Variants in RNF213 observed in about 807,000 individuals in gnomAD.
RNF213 encodes E3 ubiquitin-protein ligase RNF213.
A neutral mutation model predicts 514.4 loss-of-function variants in RNF213; 341 were observed. The observed-to-expected ratio is 0.66, with a 90% CI of 0.61 to 0.73. The LOEUF is 0.73. Ranked by LOEUF, RNF213 falls within the 30% of genes least tolerant of loss-of-function variation. The pLI, the probability that RNF213 is intolerant of heterozygous loss-of-function variation, is 0.00. For missense variants in RNF213, 5,767 were observed against 6,615.6 expected (o/e 0.87, Z 4.45); for synonymous variants, 2,655 against 2,658.2 (o/e 1.00, Z 0.04).
chr17:80,376,587 C>A, intron 52 of RNF213, 44 bp downstream of exon 52: 1 of 1,613,020 alleles, frequency 6.2e-7, no homozygotes. Flanking sequence ...TGGAACACCC[C>A]CCAGAGCTTG....
chr17:80,379,510 G>A (rs1356763316), intron 54 of RNF213, 110 bp from the exon 55 acceptor site: 1 of 1,012,374 alleles, frequency 9.9e-7, no homozygotes, highest in Non-Finnish European at 1.6e-6. Context: ...GGGACAATCT[G>A]AGGGTGCTCA....
Position 80,343,721 on chromosome 17 carries a change from G to C in RNF213, c.6184-136G>C. The C allele has an allele frequency of 1.1e-6, 1 of 902,978 alleles. No homozygotes were observed. Among genetic ancestry groups the C allele is most frequent in the Non-Finnish European group, 1.9e-6 (1 of 538,028 alleles). The allele number at this position is 902,978 out of a possible 1,614,324, so 55.9% of individuals were successfully genotyped here. A position where few individuals can be genotyped will look rare whatever the true frequency, so the allele number is the denominator to read the frequency against. On this transcript the variant is annotated intron_variant, in intron 27 of 67. Coordinates refer to ENST00000582970, the MANE Select transcript of RNF213 (RefSeq NM_001256071.3). The surrounding 1 kb of genome is among the most constrained non-coding windows in gnomAD (Gnocchi z 4.3). The stretch of plus-strand genomic sequence containing the variant: ...TTATGGGGCTGCCCTTGGAGACATG[G>C]GCCGTTGTTGGCTGAAATGTTGATG...
chr17:80,310,395 G>C (rs894249667), intron 14 of RNF213, among the ~76,000 whole-genome samples: 2 of 151,758 alleles, frequency 1.3e-5, no homozygotes, highest in African/African-American at 4.8e-5. Context: ...TGGGACTACA[G>C]GTGTGCACCA....
intron 36 of RNF213, 134 bp from the exon 37 acceptor site, chr17:80,358,154 C>CTG: frequency 1.4e-6 from 1 of 689,748 alleles, no homozygotes; most frequent in Non-Finnish European, 2.6e-6. Flanking sequence ...CAAGTTATTG[C>CTG]TGTCGCTGTA....
Position 80,272,936 on chromosome 17 carries a change from G to A in RNF213, c.98-305G>A, listed in dbSNP as rs535951819. Among the ~76,000 whole-genome samples the A allele has an allele frequency of 1.9e-3, 291 of 152,222 alleles. 1 individual carries two copies. The highest frequency in any genetic ancestry group is 1.9e-3 in the Non-Finnish European group (132 of 68,006). ...TCTGTTTTAGAGGTGCCCGAGGTGC[G>A]CTGACATCCTAGTACAGAGTCAGGT... On this transcript the variant is annotated intron_variant, in intron 2 of 67. Transcript: ENST00000582970.
chr17:80,388,243 T>C (rs987036334), intron 63 of RNF213, among the ~76,000 whole-genome samples: 1 of 152,226 alleles, frequency 6.6e-6, no homozygotes, highest in Non-Finnish European at 1.5e-5. Context: ...TTTTAATTCA[T>C]TCTCACAGCC....
At chr17:80,277,434 C>A (rs56075150) in intron 3 of RNF213, among the ~76,000 whole-genome samples, 1 of 151,842 alleles carries the variant, frequency 6.6e-6, no homozygotes, top group Non-Finnish European at 1.5e-5. Context: ...CCCGTCTCTA[C>A]TAAAAATACA....
chr17:80,387,456 C>A (rs997907605), intron 63 of RNF213, among the ~76,000 whole-genome samples: 4 of 152,178 alleles, frequency 2.6e-5, no homozygotes, highest in Admixed American at 2.0e-4. Flanking sequence ...ACCCCCACAG[C>A]CCCTCTTCCT....
At chr17:80,313,636 T>TGAC (rs1568051267) in intron 15 of RNF213, among the ~76,000 whole-genome samples, 1 of 133,214 alleles carries the variant, frequency 7.5e-6, no homozygotes, top group African/African-American at 3.7e-5. Context: ...GAGGTGATGG[T>TGAC]GGTGATGGTG....
Position 80,394,377 on chromosome 17 carries a change from T to TA in RNF213, c.*880dup, listed in dbSNP as rs1389835174. ...GTGTGCTCTCGCATGTATGAATATC[T>TA]AGTCCTTTCTGTGGTTCTCAGCCAA... On this transcript the variant is annotated 3_prime_UTR_variant, in exon 68 of 68. Coordinates refer to ENST00000582970, the MANE Select transcript of RNF213 (RefSeq NM_001256071.3). The TA allele has an allele frequency of 6.6e-6, 1 of 152,236 alleles. No individual in the cohort carries two copies. Among genetic ancestry groups the TA allele is most frequent in the Non-Finnish European group, 1.5e-5 (1 of 68,042 alleles). 9.4% of individuals were successfully genotyped at this position (152,236 alleles called of 1,614,324 possible).
rs1349592219 is a variant in RNF213, at chr17:80,360,193, C to T, written c.11187C>T (p.Ile3729=). 1.2e-6 allele frequency: 2 copies of T among 1,613,292 alleles called. No individual in the cohort carries two copies. Among genetic ancestry groups the T allele is most frequent in the Admixed American group, 1.7e-5 (1 of 59,882 alleles). The change falls in exon 38 of 68, where the codon ATC becomes ATT. Residue 3729 remains isoleucine (I), a synonymous_variant. Transcript: ENST00000582970. ...AGCTGTGGGTCCAGGCTCAGTACAT[C>T]ACAGACGCAGAAGGTGAGGCTACCT... ...LEELWVQAQY[I]TDAEGLPKKF... is the part of the protein sequence containing the mutation.
chr17:80,376,604 T>C (rs2079771566), intron 52 of RNF213, 61 bp downstream of exon 52: 1 of 1,610,256 alleles, frequency 6.2e-7, no homozygotes. Context: ...CTTGTCACTG[T>C]AGAGACCGAG....
At chr17:80,391,583 G>C (rs1599226212) in intron 67 of RNF213, among the ~76,000 whole-genome samples, 2 of 152,024 alleles carry the variant, frequency 1.3e-5, no homozygotes, top group South Asian at 2.1e-4. Flanking sequence ...CTTTGTCTCT[G>C]TAATGGTTGT....
At chr17:80,350,226 C>T in intron 30 of RNF213, 75 bp from the exon 31 acceptor site, 1 of 947,028 alleles carries the variant, frequency 1.1e-6, no homozygotes, top group Non-Finnish European at 1.7e-6. Context: ...TTATGTTTCC[C>T]ATCACTTTGG....
chr17:80,273,522 C>A (rs2043900892), intron 3 of RNF213, 118 bp downstream of exon 3: 1 of 1,315,370 alleles, frequency 7.6e-7, no homozygotes, highest in Non-Finnish European at 1.1e-6. Context: ...ATTGAACCTG[C>A]CCACAGGGCA....
chr17:80,283,434 C>T (rs1004664885), intron 3 of RNF213, among the ~76,000 whole-genome samples: 3 of 152,318 alleles, frequency 2.0e-5, no homozygotes, highest in South Asian at 2.1e-4. Context: ...GGATCACGGT[C>T]CCTCCAAGGG....
intron 3 of RNF213, chr17:80,278,966 C>T (rs752001455): frequency 3.2e-5 from 49 of 1,529,384 alleles, no homozygotes; most frequent in Non-Finnish European, 6.1e-6. Context: ...CATGCTGGCA[C>T]AGCCTGGCAC....
chr17:80,271,316 T>C (rs1178497915), intron 2 of RNF213, among the ~76,000 whole-genome samples: 2 of 152,256 alleles, frequency 1.3e-5, no homozygotes, highest in Admixed American at 1.3e-4. Context: ...GCTAAGGAAC[T>C]TCACGAATTC....
rs761047642 is a variant in RNF213 at position 80,339,896 on chromosome 17, C to T, written c.5529C>T (p.Ala1843=). ...VVCGHSEVLP[A]ALAVYMQTPS... ...GTGGCCACTCCGAGGTGTTGCCAGC[C>T]GCCCTGGCTGTCTACATGCAAACCC... The change falls in exon 26 of 68, where the codon GCC becomes GCT. Residue 1843 remains alanine, a synonymous_variant. Transcript: ENST00000582970. The T allele has an allele frequency of 4.6e-5, 70 of 1,536,910 alleles. No individual in the cohort carries two copies. The highest frequency in any genetic ancestry group is 5.6e-5 in the Non-Finnish European group (64 of 1,146,900).
Sources: gnomAD v4.1 joint callset for allele counts (sites outside exome capture counted in the v4.1 genomes callset) on GRCh38, gnomAD v4.1.1 for gene constraint, Gnocchi (gnomAD v3.1) non-coding constraint, MANE v1.5 for transcripts, NCBI Gene and HGNC (gene_info 2026-07-23, HGNC 2026-07-21) for gene names.